The following EZH1 variants were observed in gnomAD, a reference collection of about 807,000 sequenced individuals.
The protein encoded by EZH1 is enhancer of zeste 1 polycomb repressive complex 2 subunit.
Under a neutral mutation model 100.5 loss-of-function variants are expected in EZH1, and 33 were observed. The ratio of observed to expected loss-of-function variants is 0.33; its 90% CI spans 0.25 to 0.44. The LOEUF (loss-of-function observed/expected upper bound fraction) is 0.44, where lower values mean the gene tolerates loss of function less well. Ranked by LOEUF, EZH1 falls within the 20% of genes least tolerant of loss-of-function variation. EZH1 has a pLI of 1.00. For missense variants in EZH1, 475 were observed against 928.4 expected (o/e 0.51, Z 6.35); for synonymous variants, 272 against 313.8 (o/e 0.87, Z 1.41).
At chr17:42,714,324 A>AG (rs2053547777) in intron 10 of EZH1, 2 of 254,718 alleles carry the variant, frequency 7.9e-6, no homozygotes, top group South Asian at 1.1e-4. Flanking sequence ...ACATACATGT[A>AG]GGCTTTCCTA....
At chr17:42,725,953 A>T (rs1020320555) in intron 4 of EZH1, among the ~76,000 whole-genome samples, 1 of 152,074 alleles carries the variant, frequency 6.6e-6, no homozygotes, top group African/African-American at 2.4e-5. Context: ...ATCTTGGCTC[A>T]TTGCAACCTC....
At chr17:42,716,319 A>G (rs1283473497) in intron 10 of EZH1, among the ~76,000 whole-genome samples, 1 of 152,200 alleles carries the variant, frequency 6.6e-6, no homozygotes, top group African/African-American at 2.4e-5. Context: ...TTATTGTCAA[A>G]TGGTTCAGCA....
intron 10 of EZH1, chr17:42,714,638 G>A (rs1008771764): frequency 8.1e-5 from 23 of 285,164 alleles, no homozygotes; most frequent in African/African-American, 4.3e-4. Context: ...GAGTCAGAAA[G>A]CTCAATTTAA....
chr17:42,704,483 G>A, intron 18 of EZH1, 119 bp downstream of exon 18: 2 of 715,006 alleles, frequency 2.8e-6, no homozygotes, highest in Non-Finnish European at 4.6e-6. Context: ...AGAGGGTAGA[G>A]GCTACAGTGA....
intron 1 of EZH1, among the ~76,000 whole-genome samples, chr17:42,733,890 G>A (rs1303305314): frequency 7.4e-6 from 1 of 135,294 alleles, no homozygotes; most frequent in Admixed American, 8.2e-5. Context: ...GCAGTGAGCC[G>A]AGACAGCATC....
chr17:42,703,598 G>T (rs1429887384), intron 19 of EZH1, 142 bp downstream of exon 19: 7 of 642,728 alleles, frequency 1.1e-5, no homozygotes, highest in African/African-American at 1.8e-5. Flanking sequence ...GATTGAGAGG[G>T]GCCTAAAATG....
rs1038206415 is a variant in EZH1, at chr17:42,719,333, T to G, written c.665-126A>C. The G allele has an allele frequency of 5.7e-6, 4 of 707,570 alleles. No individual in the cohort carries two copies. In the South Asian group the frequency reaches 6.5e-5, roughly 11 times the overall value. The allele number at this position is 707,570 out of a possible 1,614,324, so 43.8% of individuals were successfully genotyped here. ...CTGCTTTGTTAACCTAACCACTGAT[T>G]GTTTGGAGATATATAAACATCAGTG... is the stretch of plus-strand genomic sequence containing the variant. On this transcript the variant is annotated intron_variant, in intron 7 of 20. Coordinates refer to ENST00000428826, the MANE Select transcript of EZH1 (RefSeq NM_001991.5).
chr17:42,702,692 G>T (rs77691615), intron 20 of EZH1, 100 bp from the exon 21 acceptor site: 21,095 of 1,348,784 alleles, frequency 0.016, 1,225 homozygotes, highest in African/African-American at 0.14. Flanking sequence ...CACTCCTTAA[G>T]GGCTGTTTAC....
At chr17:42,720,195 C>T (rs375241221) in intron 7 of EZH1, 78 bp downstream of exon 7, 31 of 1,484,960 alleles carry the variant, frequency 2.1e-5, no homozygotes, top group Non-Finnish European at 2.8e-5. Context: ...CTTTAATAGG[C>T]AACAAATCTT....
intron 10 of EZH1, among the ~76,000 whole-genome samples, chr17:42,715,116 T>C (rs1274235913): frequency 1.4e-5 from 2 of 140,520 alleles, no homozygotes; most frequent in Non-Finnish European, 1.5e-5. Flanking sequence ...TTATATATTA[T>C]ATATAATAGA....
At chr17:42,703,584 C>A in intron 19 of EZH1, 156 bp downstream of exon 19, 1 of 622,192 alleles carries the variant, frequency 1.6e-6, no homozygotes, top group Non-Finnish European at 2.9e-6. Context: ...GATTAGAAAA[C>A]TAAGATTGAG....
intron 1 of EZH1, among the ~76,000 whole-genome samples, chr17:42,743,126 C>T (rs993764334): frequency 6.6e-6 from 1 of 151,902 alleles, no homozygotes; most frequent in African/African-American, 2.4e-5. Context: ...GCCTTGGCCT[C>T]CCAAAGTGCT....
intron 13 of EZH1, 83 bp downstream of exon 13, chr17:42,709,763 G>T (rs2053439551): frequency 7.6e-7 from 1 of 1,317,794 alleles, no homozygotes. Flanking sequence ...TAAAGAGGGA[G>T]GCAGATGGGA....
chr17:42,729,596 G>A (rs188265531), intron 2 of EZH1, among the ~76,000 whole-genome samples: 1 of 151,346 alleles, frequency 6.6e-6, no homozygotes, highest in Non-Finnish European at 1.5e-5. Flanking sequence ...AAAATTAGTC[G>A]GGCATGGTGG....
intron 1 of EZH1, among the ~76,000 whole-genome samples, chr17:42,744,674 C>T (rs1175010198): frequency 6.6e-6 from 1 of 152,212 alleles, no homozygotes; most frequent in African/African-American, 2.4e-5. Flanking sequence ...ACCGCCCTCC[C>T]GCGCCCTTTG....
chr17:42,708,942 T>G, intron 13 of EZH1, 26 bp from the exon 14 acceptor site: 1 of 1,614,116 alleles, frequency 6.2e-7, no homozygotes, highest in Non-Finnish European at 8.5e-7. Flanking sequence ...AGGACAGGTC[T>G]CAGTCACGGC....
chr17:42,713,192 T>C lies in EZH1; in HGVS notation c.1204+17A>G. On this transcript the variant is annotated intron_variant, in intron 11 of 20. Coordinates refer to ENST00000428826, the MANE Select transcript of EZH1 (RefSeq NM_001991.5). The stretch of plus-strand genomic sequence containing the variant: ...CTTGCATGGAAAGAAAAAGTCTTCA[T>C]TTTCTGTTCATCGTACCTGAAGAAC... 1.2e-6 allele frequency: 2 copies of C among 1,611,056 alleles called. No individual in the cohort carries two copies. Among genetic ancestry groups the C allele is most frequent in the Non-Finnish European group, 1.7e-6 (2 of 1,178,986 alleles).
chr17:42,722,964 G>A (rs1189491711), intron 5 of EZH1, 49 bp from the exon 6 acceptor site: 2 of 1,584,992 alleles, frequency 1.3e-6, no homozygotes, highest in Non-Finnish European at 1.7e-6. Flanking sequence ...TCATGCATCT[G>A]CTCTTTCCTA....
At chr17:42,727,110 G>A (rs948282640) in intron 4 of EZH1, among the ~76,000 whole-genome samples, 3 of 150,348 alleles carry the variant, frequency 2.0e-5, no homozygotes, top group African/African-American at 7.3e-5. Context: ...TCAGCCTCCC[G>A]AAGTGCTGAG....
Sources: allele counts gnomAD v4.1 joint callset (sites outside exome capture counted in the v4.1 genomes callset), GRCh38; gene constraint gnomAD v4.1.1; transcripts MANE v1.5; gene names NCBI Gene and HGNC (gene_info 2026-07-23, HGNC 2026-07-21).